Variants in DCDC2C observed in about 807,000 individuals in gnomAD.
DCDC2C encodes the protein doublecortin domain containing 2C, also known as doublecortin domain-containing protein 2C.
DCDC2C carries 44 observed loss-of-function variants against 45.0 expected under a neutral mutation model. That is an observed-to-expected ratio of 0.98 (90% CI 0.77 to 1.26). The LOEUF (loss-of-function observed/expected upper bound fraction) is 1.26. Ranked by LOEUF, DCDC2C falls within the 50% of genes most tolerant of loss-of-function variation. The probability of loss-of-function intolerance (pLI) is 0.00; values close to 1 mark genes in which losing one functional copy is unlikely to be tolerated. For missense variants in DCDC2C, 447 were observed against 468.9 expected (o/e 0.95, Z 0.43); for synonymous variants, 187 against 178.8 (o/e 1.05, Z -0.37).
At chr2:3,732,468 G>C (rs1668901227) in intron 3 of DCDC2C, among the ~76,000 whole-genome samples, 1 of 152,088 alleles carries the variant, frequency 6.6e-6, no homozygotes. Context: ...CATGGACAAA[G>C]GTTGAACACC....
At chr2:3,712,080 C>T (rs1668225767) in intron 2 of DCDC2C, among the ~76,000 whole-genome samples, 1 of 152,192 alleles carries the variant, frequency 6.6e-6, no homozygotes, top group Non-Finnish European at 1.5e-5. Context: ...GGACACATGT[C>T]AATGGTGGAG....
intron 3 of DCDC2C, 129 bp from the exon 4 acceptor site, chr2:3,741,791 T>A: frequency 2.1e-6 from 2 of 974,994 alleles, no homozygotes; most frequent in Non-Finnish European, 2.9e-6. Context: ...AGACATAGTA[T>A]GAAGTATTGG....
intron 10 of DCDC2C, among the ~76,000 whole-genome samples, chr2:3,819,600 A>G (rs959750634): frequency 3.3e-5 from 5 of 152,344 alleles, no homozygotes; most frequent in African/African-American, 9.6e-5. Flanking sequence ...AGATTGGGTA[A>G]CAAAATGCAT....
At chr2:3,805,178 G>A (rs1671208461) in intron 10 of DCDC2C, among the ~76,000 whole-genome samples, 1 of 152,200 alleles carries the variant, frequency 6.6e-6, no homozygotes, top group African/African-American at 2.4e-5. Flanking sequence ...AGAGAAAGTG[G>A]AAGTTGCAGA....
intron 10 of DCDC2C, among the ~76,000 whole-genome samples, chr2:3,831,288 A>C (rs1671944759): frequency 6.6e-6 from 1 of 152,194 alleles, no homozygotes; most frequent in African/African-American, 2.4e-5. Flanking sequence ...GTGTTCTGAG[A>C]AATGCTCCTT....
intron 10 of DCDC2C, among the ~76,000 whole-genome samples, chr2:3,798,794 G>A (rs1403805117): frequency 6.6e-6 from 1 of 152,188 alleles, no homozygotes; most frequent in Non-Finnish European, 1.5e-5. Context: ...CTCTCTGGCT[G>A]TGCTTAACAT....
intron 10 of DCDC2C, among the ~76,000 whole-genome samples, chr2:3,785,916 G>T (rs1670639588): frequency 6.6e-6 from 1 of 152,182 alleles, no homozygotes; most frequent in Non-Finnish European, 1.5e-5. Context: ...CCTGCCGGAT[G>T]TGTGGCTTCG....
intron 10 of DCDC2C, chr2:3,788,365 G>A (rs1670709270): frequency 6.6e-6 from 1 of 152,022 alleles, no homozygotes; most frequent in African/African-American, 2.4e-5. Context: ...GAATACACCG[G>A]GTGTGTAGTT....
At chr2:3,730,679 A>G (rs1241452370) in intron 3 of DCDC2C, among the ~76,000 whole-genome samples, 2 of 152,160 alleles carry the variant, frequency 1.3e-5, no homozygotes, top group African/African-American at 4.8e-5. Flanking sequence ...ACAGGTTCAT[A>G]TTATTACTAA....
intron 10 of DCDC2C, among the ~76,000 whole-genome samples, chr2:3,787,899 T>G (rs1233107309): frequency 6.6e-6 from 1 of 152,206 alleles, no homozygotes; most frequent in African/African-American, 2.4e-5. Flanking sequence ...ACATTTTAGG[T>G]TTTTTTCTCA....
intron 10 of DCDC2C, among the ~76,000 whole-genome samples, chr2:3,822,402 G>T (rs1671712752): frequency 6.6e-6 from 1 of 151,962 alleles, no homozygotes; most frequent in Non-Finnish European, 1.5e-5. Context: ...TAACTCATTG[G>T]CAAACAATTA....
chr2:3,778,081 C>T lies in DCDC2C; in HGVS notation c.955-735C>T, dbSNP rs571427254. 1.5e-3 allele frequency among the ~76,000 whole-genome samples: 183 copies of T among 122,450 alleles called. 3 individuals are homozygous for T. The highest frequency in any genetic ancestry group is 8.4e-3 in the Middle Eastern group (2 of 238). 80.3% of individuals were successfully genotyped at this position (122,450 alleles called of 152,430 possible). On this transcript the variant is annotated intron_variant, in intron 8 of 10. Transcript: ENST00000399143. ...ACGGGACACCCCCTGGCCAGCTGGACGCATGTGCAGCACCCACACCGCATC... is the reference window on the plus strand; with the variant it reads ...ACGGGACACCCCCTGGCCAGCTGGATGCATGTGCAGCACCCACACCGCATC...
At chr2:3,765,441 G>T (rs1163878036) in intron 6 of DCDC2C, among the ~76,000 whole-genome samples, 1 of 152,006 alleles carries the variant, frequency 6.6e-6, no homozygotes, top group Non-Finnish European at 1.5e-5. Context: ...GGACTTCCAC[G>T]TGGAAGGGAG....
At chr2:3,737,059 C>T (rs779374380) in intron 3 of DCDC2C, among the ~76,000 whole-genome samples, 1 of 152,146 alleles carries the variant, frequency 6.6e-6, no homozygotes, top group African/African-American at 2.4e-5. Flanking sequence ...TCCCTAATGG[C>T]TCCATCCAAT....
chr2:3,769,206 C>T (rs1382240591), intron 7 of DCDC2C, 105 bp from the exon 8 acceptor site: 7 of 1,101,462 alleles, frequency 6.4e-6, no homozygotes, highest in Non-Finnish European at 9.2e-6. Flanking sequence ...CTGCCCGAAG[C>T]TCCAGGATGC....
intron 10 of DCDC2C, among the ~76,000 whole-genome samples, chr2:3,813,805 G>T (rs1329154938): frequency 3.6e-5 from 5 of 139,774 alleles, no homozygotes; most frequent in Non-Finnish European, 6.0e-5. Context: ...GCCTATGTGT[G>T]TCTTTGCACA....
intron 10 of DCDC2C, among the ~76,000 whole-genome samples, chr2:3,802,442 T>C (rs1340846827): frequency 6.6e-6 from 1 of 152,234 alleles, no homozygotes; most frequent in Admixed American, 6.5e-5. Context: ...GTTTTGTCTA[T>C]AGCAAAACAC....
At chr2:3,796,989 C>T (rs934497577) in intron 10 of DCDC2C, among the ~76,000 whole-genome samples, 45 of 152,254 alleles carry the variant, frequency 3.0e-4, no homozygotes, top group African/African-American at 8.2e-4. Context: ...GCTATGAATC[C>T]GTCTGGTCCT....
chr2:3,759,571 A>T (rs892542068), intron 6 of DCDC2C, among the ~76,000 whole-genome samples: 1 of 152,160 alleles, frequency 6.6e-6, no homozygotes, highest in Non-Finnish European at 1.5e-5. Context: ...GATTCCAGGG[A>T]TGGCGGGAGG....
Sources: allele counts gnomAD v4.1 joint callset (sites outside exome capture counted in the v4.1 genomes callset), GRCh38; gene constraint gnomAD v4.1.1; transcripts MANE v1.5; gene names NCBI Gene and HGNC (gene_info 2026-07-23, HGNC 2026-07-21).